STARD13: variants seen among roughly 807,000 people sequenced by gnomAD.
The protein encoded by STARD13 is stAR-related lipid transfer protein 13.
In STARD13, 62 loss-of-function variants were observed where a neutral mutation model predicts 106.4. The observed-to-expected ratio is 0.58, with a 90% confidence interval of 0.48 to 0.72. STARD13 has a LOEUF of 0.72. Among genes scored for constraint, STARD13 ranks in the 30% least tolerant of loss-of-function variants. The pLI is 0.00. For missense variants in STARD13, 1,387 were observed against 1,424.0 expected (o/e 0.97, Z 0.42); for synonymous variants, 565 against 553.0 (o/e 1.02, Z -0.31).
At chr13:33,148,104 C>A (rs1324753327) in intron 3 of STARD13, among the ~76,000 whole-genome samples, 1 of 152,146 alleles carries the variant, frequency 6.6e-6, no homozygotes, top group Non-Finnish European at 1.5e-5. Flanking sequence ...AAACACAAAG[C>A]TATACAACTC....
At chr13:33,190,588 C>CTTTTTTTTTT (rs71196510) in intron 1 of STARD13, among the ~76,000 whole-genome samples, 4 of 131,198 alleles carry the variant, frequency 3.0e-5, no homozygotes, top group Non-Finnish European at 6.4e-5. Context: ...CTTTTCTTTT[C>CTTTTTTTTTT]TTTTTTTTTT....
chr13:33,335,680 C>T (rs556536661), intron 1 of STARD13, among the ~76,000 whole-genome samples: 2 of 152,242 alleles, frequency 1.3e-5, no homozygotes, highest in Non-Finnish European at 2.9e-5. Context: ...CAGCAAGCAA[C>T]CAACGAGGTG....
the STARD13 span, among the ~76,000 whole-genome samples, chr13:33,601,220 T>G: frequency 4.4e-4 from 67 of 152,090 alleles, 1 homozygote; most frequent in African/African-American, 9.6e-4. Flanking sequence ...TTTTGTTTTT[T>G]TTTTTTTCTG....
At chr13:33,633,977 C>T in the STARD13 span, among the ~76,000 whole-genome samples, 1 of 152,096 alleles carries the variant, frequency 6.6e-6, no homozygotes, top group Non-Finnish European at 1.5e-5. Context: ...ATCTTTCAGT[C>T]AAATAGATTC....
the STARD13 span, among the ~76,000 whole-genome samples, chr13:33,374,483 C>A: frequency 3.2e-3 from 488 of 152,116 alleles, 2 homozygotes; most frequent in Middle Eastern, 0.01. Flanking sequence ...CCATATTGTG[C>A]TAACAATGTA....
Position 33,129,774 on chromosome 13 carries a change from C to A in STARD13, c.903G>T (p.Met301Ile), listed in dbSNP as rs771592117. Reference sequence around the variant, plus strand: ...CTCCATTTGGTATTTGGATGCACTGCATAGCCTTAAAGGACTCTGGCTCCT... The same window carrying A: ...CTCCATTTGGTATTTGGATGCACTGAATAGCCTTAAAGGACTCTGGCTCCT... ...LQQEPESFKA[M>I]QCIQIPNGDL... The change falls in exon 5 of 14, where the codon ATG (methionine) becomes ATT (isoleucine). Residue 301 changes from methionine (M) to isoleucine (I), a missense_variant. Met to Ile is a conservative substitution (Grantham distance 10). Transcript: ENST00000336934. 21 of 1,614,056 alleles carry A rather than the reference C, an allele frequency of 1.3e-5. No homozygotes were observed. The highest frequency in any genetic ancestry group is 1.7e-5 in the Non-Finnish European group (20 of 1,180,034).
chr13:33,524,198 C>G, the STARD13 span: 1 of 1,206,892 alleles, frequency 8.3e-7, no homozygotes, highest in African/African-American at 1.6e-5. Context: ...CAGGGCAGGA[C>G]ACTCACACCA....
chr13:33,564,223 A>AC, the STARD13 span, among the ~76,000 whole-genome samples: 1 of 143,380 alleles, frequency 7.0e-6, no homozygotes, highest in Non-Finnish European at 1.5e-5. Context: ...AAAAAAAAAA[A>AC]AAAAGAAAAG....
chr13:33,110,770 C>G lies in STARD13; in HGVS notation c.2745G>C (p.Gln915His). 6.2e-7 allele frequency: 1 copy of G among 1,614,210 alleles called. No individual in the cohort carries two copies. Among genetic ancestry groups the G allele is most frequent in the Non-Finnish European group, 8.5e-7 (1 of 1,180,024 alleles). ...TCTCCTTGGCTTCTTTCTGGAGGCC[C>G]TGGATGAGATGGTTCAGGTAAGTGT... Reference protein sequence around the residue: ...TFHTYLNHLIQGLQKEAKEKF... With the variant: ...TFHTYLNHLIHGLQKEAKEKF... Residue 915 changes from glutamine (Q) to histidine (H), a missense_variant, in exon 11 of 14, where the codon CAG becomes CAC. Gln to His is a conservative substitution (Grantham distance 24, BLOSUM62 0). Transcript: ENST00000336934.
intron 1 of STARD13, among the ~76,000 whole-genome samples, chr13:33,229,105 T>C (rs1252920437): frequency 6.6e-6 from 1 of 152,184 alleles, no homozygotes; most frequent in Non-Finnish European, 1.5e-5. Context: ...GAATAAAAAT[T>C]GCCAGCAGCC....
chr13:33,611,480 A>C, the STARD13 span: 1 of 152,368 alleles, frequency 6.6e-6, no homozygotes, highest in African/African-American at 2.4e-5. Context: ...CAAACCTCCT[A>C]TTCTTTGCAC....
the STARD13 span, among the ~76,000 whole-genome samples, chr13:33,378,162 TG>T: frequency 6.6e-6 from 1 of 151,998 alleles, no homozygotes. Context: ...GGGAAGTGGG[TG>T]GTTAAACTTA....
At chr13:33,206,938 G>C (rs1310909581) in intron 1 of STARD13, among the ~76,000 whole-genome samples, 1 of 152,154 alleles carries the variant, frequency 6.6e-6, no homozygotes, top group Non-Finnish European at 1.5e-5. Context: ...CAGTGTCCTC[G>C]AACATGAAAG....
intron 1 of STARD13, among the ~76,000 whole-genome samples, chr13:33,267,494 C>A (rs540166076): frequency 6.6e-6 from 1 of 152,148 alleles, no homozygotes; most frequent in Non-Finnish European, 1.5e-5. Context: ...TTCCTCAGAG[C>A]CTGTTTAAGG....
chr13:33,421,416 T>C, the STARD13 span, among the ~76,000 whole-genome samples: 1 of 152,066 alleles, frequency 6.6e-6, no homozygotes, highest in African/African-American at 2.4e-5. Context: ...AATATCTGAG[T>C]AGACCAATCA....
the STARD13 span, among the ~76,000 whole-genome samples, chr13:33,474,639 T>C: frequency 1.9e-4 from 29 of 152,342 alleles, no homozygotes; most frequent in Non-Finnish European, 3.8e-4. Flanking sequence ...CACATAAAAA[T>C]GCTTTGAAAT....
At chr13:33,606,413 G>A in the STARD13 span, among the ~76,000 whole-genome samples, 3 of 152,138 alleles carry the variant, frequency 2.0e-5, no homozygotes, top group Non-Finnish European at 2.9e-5. Context: ...GATATTATAA[G>A]TTCTTAAAAT....
intron 3 of STARD13, among the ~76,000 whole-genome samples, chr13:33,163,747 CATAT>C (rs1241799285): frequency 5.7e-5 from 7 of 122,860 alleles, no homozygotes; most frequent in African/African-American, 2.0e-4. Flanking sequence ...ATATATATAA[CATAT>C]ATATATAACA....
chr13:33,159,673 T>G (rs539342900), intron 3 of STARD13, among the ~76,000 whole-genome samples: 1 of 152,320 alleles, frequency 6.6e-6, no homozygotes, highest in African/African-American at 2.4e-5. Context: ...GATTGCAGGA[T>G]ACAAAGACAA....
Sources: gnomAD v4.1 joint callset for allele counts (sites outside exome capture counted in the v4.1 genomes callset) on GRCh38, gnomAD v4.1.1 for gene constraint, MANE v1.5 for transcripts, NCBI Gene and HGNC (gene_info 2026-07-23, HGNC 2026-07-21) for gene names.